Variants in TXLNB observed in about 807,000 individuals in gnomAD.
TXLNB encodes taxilin beta.
TXLNB carries 37 observed loss-of-function variants against 57.4 expected under a neutral mutation model. The ratio of observed to expected loss-of-function variants is 0.64; its 90% CI spans 0.50 to 0.85. The LOEUF (loss-of-function observed/expected upper bound fraction) is 0.85. Among genes scored for constraint, TXLNB ranks in the 40% least tolerant of loss-of-function variants. TXLNB has a pLI of 0.00. For missense variants in TXLNB, 848 were observed against 825.6 expected (o/e 1.03, Z -0.33); for synonymous variants, 302 against 309.6 (o/e 0.98, Z 0.26).
chr6:139,244,088 A>G (rs370628448), intron 9 of TXLNB, among the ~76,000 whole-genome samples: 1 of 152,012 alleles, frequency 6.6e-6, no homozygotes, highest in African/African-American at 2.4e-5. Flanking sequence ...CTCAAAACCT[A>G]CTTGGAGCCT....
the TXLNB span, among the ~76,000 whole-genome samples, chr6:139,162,144 C>G: frequency 6.6e-6 from 1 of 152,064 alleles, no homozygotes; most frequent in Non-Finnish European, 1.5e-5. Flanking sequence ...TCTCCTGAGT[C>G]GTCAGCTGGT....
At chr6:139,322,641 C>A in the TXLNB span, among the ~76,000 whole-genome samples, 2 of 152,126 alleles carry the variant, frequency 1.3e-5, no homozygotes, top group African/African-American at 4.8e-5. Flanking sequence ...CACAAAAGTC[C>A]CATTAGTTCT....
the TXLNB span, among the ~76,000 whole-genome samples, chr6:139,184,218 C>G: frequency 6.6e-6 from 1 of 152,256 alleles, no homozygotes; most frequent in Non-Finnish European, 1.5e-5. Context: ...GTGAGAGGAG[C>G]CTTGTGGGTG....
chr6:139,289,583 T>A (rs907953645), intron 1 of TXLNB, among the ~76,000 whole-genome samples: 4 of 152,260 alleles, frequency 2.6e-5, no homozygotes, highest in African/African-American at 9.6e-5. Flanking sequence ...CAAGTCACAC[T>A]GCTGGCATAT....
chr6:139,242,774 A>C lies in TXLNB; in HGVS notation c.1807T>G (p.Ser603Ala), dbSNP rs372478742. 1.7e-5 allele frequency: 27 copies of C among 1,613,926 alleles called. No individual in the cohort carries two copies. The African/African-American group carries it at 3.5e-4, about 21-fold the overall frequency. ...GAAGCTTCTGCCTCTGGCTTCCAGG[A>C]CGCCTGATCAGCCTGTGCTCCAACA... Reference protein sequence around the residue: ...LPVGAQADQASWKPEAEASGQ... With the variant: ...LPVGAQADQAAWKPEAEASGQ... Residue 603 changes from serine to alanine, a missense_variant, in exon 10 of 10, where the codon TCC (serine) becomes GCC (alanine). Physicochemically the swap from Ser to Ala is moderately conservative, Grantham distance 99. Coordinates refer to ENST00000358430, the MANE Select transcript of TXLNB (RefSeq NM_153235.4).
At chr6:139,253,016 G>A (rs1254666039) in intron 7 of TXLNB, among the ~76,000 whole-genome samples, 1 of 152,068 alleles carries the variant, frequency 6.6e-6, no homozygotes, top group African/African-American at 2.4e-5. Flanking sequence ...AACTCCTGTT[G>A]TCTCATATTT....
the TXLNB span, among the ~76,000 whole-genome samples, chr6:139,322,696 T>C: frequency 6.6e-6 from 1 of 152,168 alleles, no homozygotes; most frequent in East Asian, 1.9e-4. Context: ...ATCCAAATTA[T>C]CTTAGTAACA....
intron 4 of TXLNB, among the ~76,000 whole-genome samples, chr6:139,264,875 A>G (rs1466805517): frequency 6.6e-6 from 1 of 152,158 alleles, no homozygotes; most frequent in African/African-American, 2.4e-5. Flanking sequence ...TTGTTTTTCA[A>G]TGAGACCAAA....
At chr6:139,306,822 C>T in the TXLNB span, among the ~76,000 whole-genome samples, 1 of 152,172 alleles carries the variant, frequency 6.6e-6, no homozygotes, top group Non-Finnish European at 1.5e-5. Flanking sequence ...AGCCAACAGC[C>T]ATTATCTGCT....
chr6:139,210,706 AG>A, the TXLNB span, among the ~76,000 whole-genome samples: 1 of 152,244 alleles, frequency 6.6e-6, no homozygotes, highest in Non-Finnish European at 1.5e-5. Context: ...GGGAAGTGCA[AG>A]GGGTCAGGGA....
At chr6:139,182,877 A>C in the TXLNB span, 3 of 152,244 alleles carry the variant, frequency 2.0e-5, no homozygotes, top group Non-Finnish European at 4.4e-5. Flanking sequence ...GGTTACATTC[A>C]TCAGTGTTCA....
upstream of TXLNB, among the ~76,000 whole-genome samples, chr6:139,293,795 T>C (rs1201806755): frequency 6.6e-6 from 1 of 151,918 alleles, no homozygotes; most frequent in East Asian, 1.9e-4. Flanking sequence ...TTGAAGACAA[T>C]GAAGCTGTTC....
chr6:139,170,166 A>G, the TXLNB span: 3 of 152,274 alleles, frequency 2.0e-5, 1 homozygote, highest in South Asian at 6.2e-4. Flanking sequence ...AAAACTTGAA[A>G]CATTTTTTAT....
downstream of TXLNB, among the ~76,000 whole-genome samples, chr6:139,238,617 T>C (rs1246463898): frequency 6.6e-6 from 1 of 152,230 alleles, no homozygotes; most frequent in Non-Finnish European, 1.5e-5. Flanking sequence ...GAGAAAAATC[T>C]TCATTATTAT....
the TXLNB span, among the ~76,000 whole-genome samples, chr6:139,176,358 G>A: frequency 6.6e-6 from 1 of 152,186 alleles, no homozygotes; most frequent in Non-Finnish European, 1.5e-5. This position sits in a 1 kb window ranked among gnomAD's most constrained non-coding sequence, Gnocchi z 4.5. Flanking sequence ...AATTGAGTCT[G>A]TTTTATTTAT....
At chr6:139,256,059 G>A (rs2114488989) in intron 6 of TXLNB, among the ~76,000 whole-genome samples, 1 of 152,206 alleles carries the variant, frequency 6.6e-6, no homozygotes, top group Admixed American at 6.5e-5. Context: ...TCTAGCCTGG[G>A]CAATAGAGTG....
chr6:139,273,454 T>G (rs142787443), intron 3 of TXLNB, among the ~76,000 whole-genome samples: 2 of 152,232 alleles, frequency 1.3e-5, no homozygotes, highest in Non-Finnish European at 2.9e-5. Context: ...TAATGTTTTA[T>G]TTTTATTTTT....
intron 8 of TXLNB, among the ~76,000 whole-genome samples, chr6:139,245,890 C>T (rs1229880275): frequency 6.6e-6 from 1 of 152,120 alleles, no homozygotes; most frequent in African/African-American, 2.4e-5. Context: ...AACAGTGTTT[C>T]ACCATGTTGG....
the TXLNB span, among the ~76,000 whole-genome samples, chr6:139,187,828 G>A: frequency 6.6e-6 from 1 of 152,218 alleles, no homozygotes; most frequent in Non-Finnish European, 1.5e-5. Context: ...GCTCAAGCTC[G>A]TTTAAATCCT....
Sources: allele counts gnomAD v4.1 joint callset (sites outside exome capture counted in the v4.1 genomes callset), GRCh38; gene constraint gnomAD v4.1.1; non-coding constraint Gnocchi (gnomAD v3.1); transcripts MANE v1.5; gene names NCBI Gene and HGNC (gene_info 2026-07-23, HGNC 2026-07-21).